SHANK2: variants seen among roughly 807,000 people sequenced by gnomAD.
SHANK2 encodes SH3 and multiple ankyrin repeat domains 2.
SHANK2 carries 43 observed loss-of-function variants against 133.7 expected under a neutral mutation model. The observed-to-expected ratio is 0.32, with a 90% CI of 0.25 to 0.41. The LOEUF (loss-of-function observed/expected upper bound fraction) is 0.41. Ranked by LOEUF, SHANK2 falls within the 10% of genes least tolerant of loss-of-function variation. The probability of loss-of-function intolerance (pLI) is 1.00; values close to 1 mark genes in which losing one functional copy is unlikely to be tolerated. For missense variants in SHANK2, 1,994 were observed against 2,235.8 expected (o/e 0.89, Z 2.18); for synonymous variants, 1,017 against 952.8 (o/e 1.07, Z -1.24).
intron 17 of SHANK2, among the ~76,000 whole-genome samples, chr11:70,548,324 T>C (rs568589511): frequency 3.2e-4 from 48 of 152,352 alleles, no homozygotes; most frequent in Admixed American, 7.2e-4. Flanking sequence ...TAACAATCGA[T>C]GGATGGCTGG....
rs568643386 is a variant in SHANK2, at chr11:70,469,394, G to A, written c.*3475C>T. ...GTCGGGCAGCTTTTTGTTTAATTCA[G>A]ACAGTGTTCACTGTTTGTTTGCAAT... On this transcript the variant is annotated 3_prime_UTR_variant, in exon 26 of 26. Transcript: ENST00000601538. The A allele has an allele frequency of 6.5e-6, 1 of 152,690 alleles. No individual in the cohort carries two copies. The highest frequency in any genetic ancestry group is 1.5e-5 in the Non-Finnish European group (1 of 68,012). The allele number at this position is 152,690 out of a possible 1,614,324, so 9.5% of individuals were successfully genotyped here. A position where few individuals can be genotyped will look rare whatever the true frequency, so the allele number is the denominator to read the frequency against.
chr11:70,892,424 G>A (rs1046018291), intron 11 of SHANK2, among the ~76,000 whole-genome samples: 17 of 152,120 alleles, frequency 1.1e-4, no homozygotes, highest in Admixed American at 1.0e-3. Flanking sequence ...CACCTTCCCA[G>A]CTCTGGTTCT....
intron 14 of SHANK2, among the ~76,000 whole-genome samples, chr11:70,720,032 C>G (rs1946041220): frequency 6.6e-6 from 1 of 152,122 alleles, no homozygotes; most frequent in Non-Finnish European, 1.5e-5. Flanking sequence ...CTCTGAGATT[C>G]AGCTTCTGCA....
chr11:70,637,249 T>G (rs2061115049), intron 17 of SHANK2, among the ~76,000 whole-genome samples: 1 of 152,158 alleles, frequency 6.6e-6, no homozygotes, highest in South Asian at 2.1e-4. Context: ...AGTGCCTGTT[T>G]CCCCAGCACT....
At chr11:71,190,254 G>A (rs1363760135) in intron 2 of SHANK2, among the ~76,000 whole-genome samples, 1 of 152,234 alleles carries the variant, frequency 6.6e-6, no homozygotes, top group Non-Finnish European at 1.5e-5. Flanking sequence ...GGAGCAGAGG[G>A]GAAATGCTTC....
chr11:70,720,812 C>G (rs1362323074), intron 14 of SHANK2, among the ~76,000 whole-genome samples: 2 of 152,232 alleles, frequency 1.3e-5, no homozygotes, highest in Non-Finnish European at 2.9e-5. Context: ...CACATATATA[C>G]ACACATGCTC....
chr11:71,055,787 G>A lies in SHANK2; in HGVS notation c.1107+694C>T, dbSNP rs1391016732. Reference sequence around the variant, plus strand: ...GGTTTTCTAGGGGCTGGGGGAGGGGGAGGGGGAGTGGGGAGTGGCTGGTTA... The same window carrying A: ...GGTTTTCTAGGGGCTGGGGGAGGGGAAGGGGGAGTGGGGAGTGGCTGGTTA... On this transcript the variant is annotated intron_variant, in intron 10 of 25. Transcript: ENST00000601538. Among the ~76,000 whole-genome samples the A allele has an allele frequency of 1.2e-3, 165 of 142,238 alleles. 3 individuals carry two copies. Among genetic ancestry groups the A allele is most frequent in the African/African-American group, 3.3e-3 (125 of 37,770 alleles). 93.3% of individuals were successfully genotyped at this position (142,238 alleles called of 152,430 possible). A position where few individuals can be genotyped will look rare whatever the true frequency, so the allele number is the denominator to read the frequency against.
At chr11:70,848,901 T>C (rs1949041059) in intron 11 of SHANK2, among the ~76,000 whole-genome samples, 1 of 152,154 alleles carries the variant, frequency 6.6e-6, no homozygotes, top group Non-Finnish European at 1.5e-5. Flanking sequence ...AACAAGTGCA[T>C]GATGCTGGGA....
At chr11:71,229,420 A>T (rs782753098) in intron 1 of SHANK2, among the ~76,000 whole-genome samples, 2 of 152,224 alleles carry the variant, frequency 1.3e-5, no homozygotes, top group African/African-American at 2.4e-5. Flanking sequence ...ATTCTCTAGC[A>T]ATAATCATGC....
In SHANK2 at chr11:70,471,549, C is replaced by G. The variant is rs1555148540; in HGVS notation, c.*1320G>C. 3 of 396,966 alleles carry G rather than the reference C, an allele frequency of 7.6e-6. No individual in the cohort carries two copies. Among genetic ancestry groups the G allele is most frequent in the African/African-American group, 4.1e-5 (2 of 48,618 alleles). 24.6% of individuals were successfully genotyped at this position (396,966 alleles called of 1,614,324 possible). ...GCCCAGGAGACCTCCCTGCTTTCCT[C>G]TCCTCACGCCTCTGCTTTCACTCTG... On this transcript the variant is annotated 3_prime_UTR_variant, in exon 26 of 26. Coordinates refer to ENST00000601538, the MANE Select transcript of SHANK2 (RefSeq NM_012309.5). The surrounding 1 kb of genome is among the most constrained non-coding windows in gnomAD (Gnocchi z 4.1).
Position 70,487,349 on chromosome 11 carries a change from C to T in SHANK2, c.2944G>A (p.Gly982Ser). The change falls in exon 25 of 26, where the codon GGC becomes AGC. Residue 982 changes from glycine (G) to serine (S), a missense_variant. Physicochemically the swap from Gly to Ser is moderately conservative, Grantham distance 56 (BLOSUM62 0). Around this residue, in one of 5 missense-constraint regions of SHANK2, gnomAD observed 488 missense variants for 642.6 expected, o/e 0.76. Transcript: ENST00000601538. The surrounding 1 kb of genome is among the most constrained non-coding windows in gnomAD (Gnocchi z 5.8). Reference protein sequence around the residue: ...GPQANFRNKRGQMPENPYSEV... With the variant: ...GPQANFRNKRSQMPENPYSEV... The stretch of plus-strand genomic sequence containing the variant: ...GAGTATGGGTTTTCTGGCATCTGGC[C>T]TCTCTTGTTGCGGAAGTTGGCTTGC... The T allele has an allele frequency of 6.2e-7, 1 of 1,614,188 alleles. No homozygotes were observed. The highest frequency in any genetic ancestry group is 8.5e-7 in the Non-Finnish European group (1 of 1,180,040).
At chr11:70,869,304 C>T (rs1360897263) in intron 11 of SHANK2, among the ~76,000 whole-genome samples, 1 of 152,152 alleles carries the variant, frequency 6.6e-6, no homozygotes, top group Admixed American at 6.5e-5. Context: ...CCATAGATCC[C>T]GACAATCTGT....
chr11:70,507,354 G>A lies in SHANK2; in HGVS notation c.2062-4423C>T, dbSNP rs150274673. Among the ~76,000 whole-genome samples the A allele has an allele frequency of 4.6e-5, 7 of 152,344 alleles. No homozygotes were observed. The East Asian group carries it at 1.3e-3, about 29-fold the overall frequency. On this transcript the variant is annotated intron_variant, in intron 17 of 25. Transcript: ENST00000601538. ...TGCTGGTCTCAAAATCAGCCTGGGT[G>A]ACATTCATGAAACTGATTTCTATTT...
intron 13 of SHANK2, 127 bp from the exon 14 acceptor site, chr11:70,798,683 C>A (rs572388635): frequency 1.4e-5 from 9 of 647,160 alleles, no homozygotes; most frequent in Middle Eastern, 2.5e-4. Flanking sequence ...GCAGAGCAAG[C>A]GGCTCTGGTG....
At chr11:70,730,504 C>T (rs1001948521) in intron 14 of SHANK2, among the ~76,000 whole-genome samples, 4 of 152,122 alleles carry the variant, frequency 2.6e-5, no homozygotes, top group African/African-American at 7.2e-5. Context: ...CCAATGCCCA[C>T]CCCTGTAACG....
intron 9 of SHANK2, among the ~76,000 whole-genome samples, chr11:71,058,193 C>A (rs1271277352): frequency 6.6e-6 from 1 of 152,178 alleles, no homozygotes; most frequent in African/African-American, 2.4e-5. Flanking sequence ...CTGCACCCAG[C>A]CTCTTATGCA....
At chr11:70,854,557 G>A (rs1425111959) in intron 11 of SHANK2, among the ~76,000 whole-genome samples, 1 of 152,236 alleles carries the variant, frequency 6.6e-6, no homozygotes, top group African/African-American at 2.4e-5. Flanking sequence ...AGGGACCAAG[G>A]TCCAGAGGGT....
intron 1 of SHANK2, among the ~76,000 whole-genome samples, chr11:71,249,323 G>A (rs1948139322): frequency 6.6e-6 from 1 of 152,174 alleles, no homozygotes; most frequent in African/African-American, 2.4e-5. Flanking sequence ...GAAACGGACA[G>A]GGTCAAGAAC....
intron 17 of SHANK2, among the ~76,000 whole-genome samples, chr11:70,632,663 T>C (rs1275687632): frequency 6.6e-6 from 1 of 152,174 alleles, no homozygotes; most frequent in African/African-American, 2.4e-5. Context: ...CACAGCCACA[T>C]GCTGCTCTAC....
Sources: allele counts gnomAD v4.1 joint callset (sites outside exome capture counted in the v4.1 genomes callset), GRCh38; gene constraint gnomAD v4.1.1; regional missense constraint gnomAD v4.1.1; non-coding constraint Gnocchi (gnomAD v3.1); transcripts MANE v1.5; gene names NCBI Gene and HGNC (gene_info 2026-07-23, HGNC 2026-07-21).